Variants in PDE7A observed in about 807,000 individuals in gnomAD.
The protein encoded by PDE7A is high affinity 3',5'-cyclic-AMP phosphodiesterase 7A.
In PDE7A, 39 loss-of-function variants were observed where a neutral mutation model predicts 64.3. The observed-to-expected ratio is 0.61, with a 90% CI of 0.47 to 0.79. PDE7A has a LOEUF of 0.79. Ranked by LOEUF, PDE7A falls within the 30% of genes least tolerant of loss-of-function variation. PDE7A has a pLI of 0.00. For missense variants in PDE7A, 470 were observed against 582.8 expected, an observed-to-expected ratio of 0.81 and a Z score of 1.99; for synonymous variants, 203 against 206.8, an observed-to-expected ratio of 0.98 and a Z score of 0.16.
chr8:65,801,410 A>G (rs1410794330), intron 1 of PDE7A, among the ~76,000 whole-genome samples: 1 of 152,206 alleles, frequency 6.6e-6, no homozygotes, highest in Non-Finnish European at 1.5e-5. Context: ...GCAACAAGTA[A>G]AGTAATGAAG....
intron 1 of PDE7A, among the ~76,000 whole-genome samples, chr8:65,817,140 T>C (rs1810426793): frequency 6.6e-6 from 1 of 152,240 alleles, no homozygotes; most frequent in Admixed American, 6.5e-5. Context: ...TCTTCAACTC[T>C]AGAATTTCCA....
At chr8:65,788,881 C>T (rs1401851383) in intron 1 of PDE7A, 1 of 1,598,478 alleles carries the variant, frequency 6.3e-7, no homozygotes, top group African/African-American at 1.3e-5. Context: ...AGATGGCCTA[C>T]CTTAGAGGTG....
chr8:65,727,001 T>A, intron 8 of PDE7A, 35 bp from the exon 9 acceptor site: 1 of 1,200,524 alleles, frequency 8.3e-7, no homozygotes, highest in Non-Finnish European at 1.2e-6. Context: ...TACTTAATGA[T>A]ACGTCTCTTT....
intron 1 of PDE7A, among the ~76,000 whole-genome samples, chr8:65,786,423 C>G (rs1809560473): frequency 6.6e-6 from 1 of 152,102 alleles, no homozygotes; most frequent in South Asian, 2.1e-4. Flanking sequence ...AGTTCTCTCA[C>G]TAGGTAGAAT....
chr8:65,735,377 T>C (rs1046062430), intron 6 of PDE7A, among the ~76,000 whole-genome samples: 8 of 151,940 alleles, frequency 5.3e-5, no homozygotes, highest in African/African-American at 1.9e-4. Flanking sequence ...GACATGATCA[T>C]GGCTCATTGC....
chr8:65,751,358 G>T (rs1054857894), intron 3 of PDE7A, among the ~76,000 whole-genome samples: 8 of 151,954 alleles, frequency 5.3e-5, no homozygotes, highest in Non-Finnish European at 1.0e-4. Flanking sequence ...AGGGAGGGAA[G>T]AAAGAAAATA....
At chr8:65,776,571 A>T (rs1243441805) in intron 3 of PDE7A, among the ~76,000 whole-genome samples, 1 of 152,132 alleles carries the variant, frequency 6.6e-6, no homozygotes, top group Non-Finnish European at 1.5e-5. Flanking sequence ...AGTTATCTTT[A>T]ATTTTTCTAT....
chr8:65,718,071 T>A lies in PDE7A; in HGVS notation c.*1219A>T, dbSNP rs1806212918. The A allele has an allele frequency of 6.6e-6, 1 of 152,246 alleles. No individual in the cohort carries two copies. Among genetic ancestry groups the A allele is most frequent in the Non-Finnish European group, 1.5e-5 (1 of 68,036 alleles). 9.4% of individuals were successfully genotyped at this position (152,246 alleles called of 1,614,324 possible). A position where few individuals can be genotyped will look rare whatever the true frequency, so the allele number is the denominator to read the frequency against. Reference sequence around the variant, plus strand: ...GGAGGGACAAGAAAACAATGCACTTTTTTCAAATCAAAACAAGAAGTTTGG... The same window carrying A: ...GGAGGGACAAGAAAACAATGCACTTATTTCAAATCAAAACAAGAAGTTTGG... On this transcript the variant is annotated 3_prime_UTR_variant, in exon 13 of 13. Transcript: ENST00000401827.
chr8:65,753,777 T>C (rs142749352), intron 3 of PDE7A, among the ~76,000 whole-genome samples: 43 of 152,342 alleles, frequency 2.8e-4, no homozygotes, highest in African/African-American at 1.0e-3. Context: ...AAATTTTGCT[T>C]CATATATTGT....
intron 3 of PDE7A, among the ~76,000 whole-genome samples, chr8:65,752,799 T>C (rs1030928352): frequency 1.3e-5 from 2 of 152,220 alleles, no homozygotes; most frequent in Non-Finnish European, 2.9e-5. Flanking sequence ...GAAACACCTT[T>C]ATGTGTTTTC....
chr8:65,809,800 C>G (rs1810205589), intron 1 of PDE7A, among the ~76,000 whole-genome samples: 2 of 152,150 alleles, frequency 1.3e-5, no homozygotes, highest in South Asian at 4.1e-4. Context: ...CAATGAGATA[C>G]CATCTCACAC....
intron 3 of PDE7A, among the ~76,000 whole-genome samples, chr8:65,770,072 T>C (rs1272283666): frequency 6.6e-6 from 1 of 152,114 alleles, no homozygotes; most frequent in Non-Finnish European, 1.5e-5. Context: ...GAACACTCTA[T>C]TCTCAGATAT....
chr8:65,741,700 A>C (rs1470712575), intron 5 of PDE7A, among the ~76,000 whole-genome samples: 1 of 152,260 alleles, frequency 6.6e-6, no homozygotes, highest in East Asian at 1.9e-4. Context: ...GAAGTGAACA[A>C]CGTGTCTGTT....
At chr8:65,798,860 G>A (rs1158105641) in intron 1 of PDE7A, among the ~76,000 whole-genome samples, 3 of 152,148 alleles carry the variant, frequency 2.0e-5, no homozygotes, top group African/African-American at 7.2e-5. Context: ...TTCATCAACT[G>A]ATGAATGGAT....
chr8:65,763,036 T>C lies in PDE7A; in HGVS notation c.284-15233A>G, dbSNP rs1020117531. Among the ~76,000 whole-genome samples, 32 of 145,726 alleles carry C rather than the reference T, an allele frequency of 2.2e-4. 1 individual carries two copies. Among genetic ancestry groups the C allele is most frequent in the Admixed American group, 2.0e-3 (30 of 14,676 alleles). On this transcript the variant is annotated intron_variant, in intron 3 of 12. Coordinates refer to ENST00000401827, the MANE Select transcript of PDE7A (RefSeq NM_001242318.3). ...GTGTGTGTGTGTGTGTGTGTGTGTG[T>C]GTATAAAATGAATATACAGCTTAAA...
intron 1 of PDE7A, among the ~76,000 whole-genome samples, chr8:65,800,163 C>G (rs1296455429): frequency 6.6e-6 from 1 of 152,158 alleles, no homozygotes; most frequent in African/African-American, 2.4e-5. Context: ...GCTCGGACCC[C>G]CCACCTAACA....
chr8:65,717,080 C>T lies in PDE7A; in HGVS notation c.*2210G>A, dbSNP rs1057180124. ...TTTATATTGACATTTTAAAGTGATACAATATTTTGGACGTATTGGAATAGA... is the reference window on the plus strand; with the variant it reads ...TTTATATTGACATTTTAAAGTGATATAATATTTTGGACGTATTGGAATAGA... On this transcript the variant is annotated 3_prime_UTR_variant, in exon 13 of 13. Transcript: ENST00000401827. 2.0e-5 allele frequency among the ~76,000 whole-genome samples: 3 copies of T among 152,092 alleles called. No homozygotes were observed. Among genetic ancestry groups the T allele is most frequent in the African/African-American group, 4.8e-5 (2 of 41,360 alleles).
At chr8:65,826,558 T>C (rs1375237537) in intron 1 of PDE7A, among the ~76,000 whole-genome samples, 3 of 152,222 alleles carry the variant, frequency 2.0e-5, no homozygotes, top group Non-Finnish European at 2.9e-5. Flanking sequence ...AAAGCTGCTT[T>C]TTCTACTGAG....
At chr8:65,817,752 G>GT (rs145545830) in intron 1 of PDE7A, among the ~76,000 whole-genome samples, 17 of 109,986 alleles carry the variant, frequency 1.5e-4, no homozygotes, top group African/African-American at 3.6e-4. Flanking sequence ...ATCAAGGAGT[G>GT]TTTTTTTTTT....
Sources: gnomAD v4.1 joint callset for allele counts (sites outside exome capture counted in the v4.1 genomes callset) on GRCh38, gnomAD v4.1.1 for gene constraint, MANE v1.5 for transcripts, NCBI Gene and HGNC (gene_info 2026-07-23, HGNC 2026-07-21) for gene names.